Variants in SPG7 observed in about 807,000 individuals in gnomAD.
The protein encoded by SPG7 is SPG7 matrix AAA peptidase subunit, paraplegin.
Under a neutral mutation model 81.9 loss-of-function variants are expected in SPG7, and 103 were observed. That is an observed-to-expected ratio of 1.26 (90% CI 1.07 to 1.48). SPG7 has a LOEUF of 1.48. Ranked by LOEUF, SPG7 falls within the 40% of genes most tolerant of loss-of-function variation. The pLI is 0.00. For missense variants in SPG7, 1,241 were observed against 1,087.3 expected (o/e 1.14, Z -1.99); for synonymous variants, 534 against 444.2 (o/e 1.20, Z -2.54).
At chr16:89,547,475 A>G (rs991900613) in intron 11 of SPG7, 1 of 185,958 alleles carries the variant, frequency 5.4e-6, no homozygotes, top group Non-Finnish European at 1.1e-5. Flanking sequence ...CGCTCTCCCC[A>G]CCCCTGCTCC....
intron 1 of SPG7, chr16:89,508,986 G>C (rs370899401): frequency 2.0e-4 from 95 of 479,930 alleles, no homozygotes; most frequent in South Asian, 1.4e-3. Context: ...GCGCCTTCCA[G>C]TTAGGGTGGT....
intron 3 of SPG7, chr16:89,522,992 C>G (rs1410492541): frequency 6.5e-6 from 1 of 153,376 alleles, no homozygotes; most frequent in Non-Finnish European, 1.5e-5. Context: ...CCAGGCCGGC[C>G]TTGAGTCGGT....
intron 1 of SPG7, among the ~76,000 whole-genome samples, chr16:89,510,196 A>G (rs2057995770): frequency 6.7e-6 from 1 of 148,306 alleles, no homozygotes; most frequent in Non-Finnish European, 1.5e-5. Flanking sequence ...GCTGGTCTCA[A>G]ACTCCTGACT....
chr16:89,536,150 C>A, intron 9 of SPG7, among the ~76,000 whole-genome samples: 1 of 104,076 alleles, frequency 9.6e-6, no homozygotes, highest in Non-Finnish European at 2.0e-5. Context: ...TGCTGTGTGG[C>A]CTTCAGTGTG....
intron 9 of SPG7, chr16:89,543,033 C>T (rs956248682): frequency 2.7e-5 from 4 of 149,260 alleles, no homozygotes; most frequent in African/African-American, 9.9e-5. Context: ...CTGCAAGCTC[C>T]ACCCTTCAGG....
In SPG7 at chr16:89,536,987, C is replaced by T. The variant is rs899059771; in HGVS notation, c.1324+4351C>T. On this transcript the variant is annotated intron_variant, in intron 9 of 16. Coordinates refer to ENST00000645818, the MANE Select transcript of SPG7 (RefSeq NM_003119.4). ...AAACGATCTTCTCCACATAACCTCT[C>T]TGTGCCATCATAAGAATAGCTGCTT... 5 of 1,613,606 alleles carry T rather than the reference C, an allele frequency of 3.1e-6. No individual in the cohort carries two copies. In the South Asian group the frequency reaches 5.5e-5, roughly 18 times the overall value.
Position 89,554,563 on chromosome 16 carries a change from G to A in SPG7, c.2181G>A (p.Ala727=), listed in dbSNP as rs753423781. 11 of 1,606,600 alleles carry A rather than the reference G, an allele frequency of 6.8e-6. No individual in the cohort carries two copies. Among genetic ancestry groups the A allele is most frequent in the East Asian group, 2.2e-5 (1 of 44,842 alleles). ...AGGACAACCTGGACAAGTTGCAGGC[G>A]GTGAGGCCCTGGCCAGGCGTGGGGG... ...VLQDNLDKLQ[A]LANALLEKEV... Residue 727 remains alanine, a splice_region_variant and synonymous_variant, in exon 16 of 17, where the codon GCG becomes GCA. Transcript: ENST00000645818.
At chr16:89,534,275 G>T (rs780652628) in intron 9 of SPG7, among the ~76,000 whole-genome samples, 1 of 152,104 alleles carries the variant, frequency 6.6e-6, no homozygotes. Flanking sequence ...TTTGCTATCC[G>T]CCTTCTTTCA....
intron 11 of SPG7, 68 bp from the exon 12 acceptor site, chr16:89,547,935 C>T (rs940131277): frequency 6.7e-6 from 8 of 1,186,136 alleles, no homozygotes; most frequent in Non-Finnish European, 1.0e-5. Flanking sequence ...CCTTGAGGGC[C>T]CCTTCCTCCT....
intron 9 of SPG7, among the ~76,000 whole-genome samples, chr16:89,535,822 C>T (rs1307595300): frequency 1.3e-5 from 2 of 151,736 alleles, no homozygotes; most frequent in South Asian, 2.1e-4. Context: ...TTTATGTGGC[C>T]TCTCTGGTGC....
In SPG7 at chr16:89,510,495, A is replaced by G. The variant is rs375957897; in HGVS notation, c.189A>G (p.Leu63=). ...TGTTTTTTTTTTTTTTTCAGAGCTT[A>G]CAATTGAGACTGCTAACCCCTACCT... ...AEAGGRALQS[L]QLRLLTPTFE... The change falls in exon 2 of 17, where the codon TTA becomes TTG. Residue 63 remains leucine (L), a synonymous_variant. Coordinates refer to ENST00000645818, the MANE Select transcript of SPG7 (RefSeq NM_003119.4). The G allele has an allele frequency of 3.3e-6, 5 of 1,529,938 alleles. No individual in the cohort carries two copies. The African/African-American group carries it at 7.1e-5, about 22-fold the overall frequency. 94.8% of individuals were successfully genotyped at this position (1,529,938 alleles called of 1,614,324 possible).
chr16:89,544,362 C>A (rs527405920), intron 9 of SPG7: 3 of 411,644 alleles, frequency 7.3e-6, no homozygotes, highest in Non-Finnish European at 1.4e-5. Flanking sequence ...CAGATGGCAC[C>A]GTGAGGCAGG....
At chr16:89,510,330 C>G (rs1467350617) in intron 1 of SPG7, among the ~76,000 whole-genome samples, 160 bp from the exon 2 acceptor site, 2 of 152,126 alleles carry the variant, frequency 1.3e-5, no homozygotes, top group Non-Finnish European at 2.9e-5. Context: ...TTACCTAAAG[C>G]TTTGACCTAT....
At chr16:89,512,894 C>A (rs2058040497) in intron 2 of SPG7, 54 bp from the exon 3 acceptor site, 1 of 1,602,454 alleles carries the variant, frequency 6.2e-7, no homozygotes, top group African/African-American at 1.3e-5. Context: ...GTCCTGTATG[C>A]CTCCCCTGTG....
At chr16:89,520,919 G>A (rs2058179736) in intron 3 of SPG7, 1 of 152,224 alleles carries the variant, frequency 6.6e-6, no homozygotes, top group Non-Finnish European at 1.5e-5. Flanking sequence ...ACTAAATACT[G>A]TCTATGGCGC....
At chr16:89,516,704 C>G (rs1038081024) in intron 3 of SPG7, 1 of 120,806 alleles carries the variant, frequency 8.3e-6, no homozygotes. Context: ...ACTAAAAATA[C>G]AAAAAAAAAA....
At chr16:89,554,706 A>G in intron 16 of SPG7, 143 bp downstream of exon 16, 1 of 671,344 alleles carries the variant, frequency 1.5e-6, no homozygotes, top group Non-Finnish European at 2.7e-6. Flanking sequence ...ACCCAGCTCA[A>G]CTGAAACTTA....
chr16:89,532,853 A>G (rs1051808337), intron 9 of SPG7: 4 of 574,366 alleles, frequency 7.0e-6, no homozygotes, highest in African/African-American at 5.6e-5. Context: ...GGAGGCCAAG[A>G]CAGGCGGATC....
chr16:89,512,425 G>A (rs929171707), intron 2 of SPG7, among the ~76,000 whole-genome samples: 3 of 152,208 alleles, frequency 2.0e-5, no homozygotes, highest in South Asian at 2.1e-4. Context: ...AAGCAATTCT[G>A]CCTCAGCCTC....
Sources: gnomAD v4.1 joint callset for allele counts (sites outside exome capture counted in the v4.1 genomes callset) on GRCh38, gnomAD v4.1.1 for gene constraint, MANE v1.5 for transcripts, NCBI Gene and HGNC (gene_info 2026-07-23, HGNC 2026-07-21) for gene names.